The following ARB2A variants were observed in gnomAD, a reference collection of about 807,000 sequenced individuals.
The protein encoded by ARB2A is cotranscriptional regulator ARB2A.
chr5:94,092,753 T>TAC, the ARB2A span, among the ~76,000 whole-genome samples: 1 of 152,178 alleles, frequency 6.6e-6, no homozygotes, highest in Non-Finnish European at 1.5e-5. Context: ...GGAACATATA[T>TAC]ACACACATAA....
the ARB2A span, among the ~76,000 whole-genome samples, chr5:93,989,342 T>C: frequency 6.6e-6 from 1 of 152,188 alleles, no homozygotes; most frequent in African/African-American, 2.4e-5. Flanking sequence ...TGAGAACATA[T>C]GTGATTTCTA....
At chr5:93,889,972 CAAT>C in the ARB2A span, among the ~76,000 whole-genome samples, 3 of 151,796 alleles carry the variant, frequency 2.0e-5, no homozygotes, top group East Asian at 1.9e-4. Flanking sequence ...TCCTGCAAAC[CAAT>C]AATAAGATAA....
At chr5:93,986,542 G>A in the ARB2A span, among the ~76,000 whole-genome samples, 1 of 152,204 alleles carries the variant, frequency 6.6e-6, no homozygotes, top group Admixed American at 6.5e-5. Context: ...CATTGAGAAC[G>A]GGCCATGATG....
chr5:93,942,805 C>A, the ARB2A span, among the ~76,000 whole-genome samples: 1 of 152,010 alleles, frequency 6.6e-6, no homozygotes, highest in Non-Finnish European at 1.5e-5. Flanking sequence ...GCATAAACTT[C>A]CAGGAACATT....
the ARB2A span, among the ~76,000 whole-genome samples, chr5:93,699,078 T>C: frequency 6.6e-4 from 100 of 152,300 alleles, no homozygotes; most frequent in African/African-American, 2.2e-3. Flanking sequence ...ACATCCTATG[T>C]AGTAAGCCCT....
the ARB2A span, among the ~76,000 whole-genome samples, chr5:93,943,336 C>T: frequency 2.0e-5 from 3 of 151,866 alleles, no homozygotes; most frequent in Non-Finnish European, 4.4e-5. Flanking sequence ...CTTTAATTTT[C>T]ACAAATACTT....
chr5:93,939,577 G>A, the ARB2A span, among the ~76,000 whole-genome samples: 1 of 152,036 alleles, frequency 6.6e-6, no homozygotes, highest in East Asian at 1.9e-4. Context: ...AAGCAAAGCT[G>A]TATTGCCTAC....
chr5:93,760,326 C>T, the ARB2A span, among the ~76,000 whole-genome samples: 2 of 152,124 alleles, frequency 1.3e-5, no homozygotes, highest in Non-Finnish European at 2.9e-5. Context: ...ACCACATGGC[C>T]AAAAGCAATC....
At chr5:93,830,311 G>GTGTATGTGTGTGTATATA in the ARB2A span, among the ~76,000 whole-genome samples, 980 of 82,020 alleles carry the variant, frequency 0.012, 6 homozygotes, top group Middle Eastern at 0.016. Context: ...GTGTGTGTGT[G>GTGTATGTGTGTGTATATA]TATATATATA....
chr5:93,787,335 A>G, the ARB2A span, among the ~76,000 whole-genome samples: 3 of 152,188 alleles, frequency 2.0e-5, no homozygotes, highest in African/African-American at 4.8e-5. Flanking sequence ...AGTGATGACA[A>G]ATTTTGATAC....
chr5:93,630,374 T>C, the ARB2A span, among the ~76,000 whole-genome samples: 2 of 152,170 alleles, frequency 1.3e-5, no homozygotes, highest in African/African-American at 4.8e-5. Context: ...CTGCATAAGA[T>C]ACAAGCAAGT....
chr5:93,956,489 C>CT, the ARB2A span, among the ~76,000 whole-genome samples: 1 of 152,102 alleles, frequency 6.6e-6, no homozygotes, highest in Admixed American at 6.5e-5. Flanking sequence ...ATTAACAACA[C>CT]TGAGTAAAGA....
the ARB2A span, chr5:93,743,197 T>C: frequency 6.6e-6 from 1 of 152,154 alleles, no homozygotes; most frequent in Non-Finnish European, 1.5e-5. Flanking sequence ...AATCAGAAAA[T>C]TGGCTGCCAT....
chr5:93,706,862 C>CAA, the ARB2A span, among the ~76,000 whole-genome samples: 99 of 102,364 alleles, frequency 9.7e-4, 1 homozygote, highest in African/African-American at 2.8e-3. Flanking sequence ...AAGATTCCGT[C>CAA]AAAAAAAAAA....
At chr5:94,070,033 C>A in the ARB2A span, among the ~76,000 whole-genome samples, 1 of 151,992 alleles carries the variant, frequency 6.6e-6, no homozygotes, top group Non-Finnish European at 1.5e-5. Flanking sequence ...ATGGAATCAA[C>A]CTAAGAGTCC....
At chr5:93,838,593 G>A in the ARB2A span, among the ~76,000 whole-genome samples, 2 of 151,700 alleles carry the variant, frequency 1.3e-5, no homozygotes, top group African/African-American at 2.4e-5. Flanking sequence ...CTCATTGGTC[G>A]TTTGATAGGA....
chr5:94,102,370 A>T, the ARB2A span, among the ~76,000 whole-genome samples: 1 of 152,168 alleles, frequency 6.6e-6, no homozygotes, highest in Admixed American at 6.5e-5. Flanking sequence ...AAAGAATTTC[A>T]TAATACAATC....
the ARB2A span, among the ~76,000 whole-genome samples, chr5:94,022,511 A>G: frequency 6.6e-6 from 1 of 152,186 alleles, no homozygotes; most frequent in Non-Finnish European, 1.5e-5. Flanking sequence ...CATGGGTGTG[A>G]CAGGAAAAGA....
chr5:93,818,514 A>C, the ARB2A span, among the ~76,000 whole-genome samples: 1 of 152,236 alleles, frequency 6.6e-6, no homozygotes, highest in Admixed American at 6.5e-5. Flanking sequence ...AGCGAACGTA[A>C]GCTAATTATT....
Sources: allele counts gnomAD v4.1 joint callset (sites outside exome capture counted in the v4.1 genomes callset), GRCh38; gene constraint gnomAD v4.1.1; transcripts MANE v1.5; gene names NCBI Gene and HGNC (gene_info 2026-07-23, HGNC 2026-07-21).